ALPK3: variants seen among roughly 807,000 people sequenced by gnomAD.
ALPK3 encodes the protein alpha-protein kinase 3.
ALPK3 carries 102 observed loss-of-function variants against 140.0 expected under a neutral mutation model. That is an observed-to-expected ratio of 0.73 (90% CI 0.62 to 0.86). ALPK3 has a LOEUF of 0.86. Ranked by LOEUF, ALPK3 falls within the 40% of genes least tolerant of loss-of-function variation. The pLI is 0.00. For missense variants in ALPK3, 2,254 were observed against 2,208.2 expected (o/e 1.02, Z -0.42); for synonymous variants, 938 against 898.5 (o/e 1.04, Z -0.79).
chr15:84,860,429 T>A (rs1051539647), intron 9 of ALPK3, among the ~76,000 whole-genome samples: 1 of 152,146 alleles, frequency 6.6e-6, no homozygotes, highest in African/African-American at 2.4e-5. Context: ...ACAGGGAACC[T>A]GCTAGAAATG....
At chr15:84,851,152 T>C (rs1279932627) in intron 5 of ALPK3, among the ~76,000 whole-genome samples, 1 of 151,894 alleles carries the variant, frequency 6.6e-6, no homozygotes, top group Non-Finnish European at 1.5e-5. Context: ...TTTTTTGGGG[T>C]AGAGGAGGGA....
At chr15:84,853,608 C>T (rs139303169) in intron 5 of ALPK3, among the ~76,000 whole-genome samples, 2 of 151,828 alleles carry the variant, frequency 1.3e-5, no homozygotes, top group South Asian at 2.1e-4. Context: ...AGCGAGACTC[C>T]GTCTCAAAAG....
intron 11 of ALPK3, 54 bp downstream of exon 11, chr15:84,863,694 C>T (rs1596158175): frequency 1.9e-6 from 3 of 1,539,902 alleles, no homozygotes; most frequent in Non-Finnish European, 2.7e-6. Context: ...CCTTGGGCTT[C>T]TGCAAAGACA....
rs558935369 is a variant in ALPK3 at position 84,867,158 on chromosome 15, AC to A, written c.4724-156del. On this transcript the variant is annotated intron_variant, in intron 12 of 13. Transcript: ENST00000258888. ...TGCTTGAAGACACACCTGCACTGAC[AC>A]CCAGGAAGTTGATGCCAGCCTGGGC... 7.2e-5 allele frequency among the ~76,000 whole-genome samples: 11 copies of A among 151,750 alleles called. No individual in the cohort carries two copies. In the South Asian group the frequency reaches 2.3e-3, roughly 32 times the overall value.
intron 5 of ALPK3, among the ~76,000 whole-genome samples, chr15:84,847,205 C>A (rs1271436232): frequency 1.9e-5 from 2 of 106,876 alleles, no homozygotes; most frequent in Non-Finnish European, 3.7e-5. Flanking sequence ...GAGGGAGAAA[C>A]GGGGAGAGAG....
intron 4 of ALPK3, 39 bp from the exon 5 acceptor site, chr15:84,839,663 C>A: frequency 6.4e-7 from 1 of 1,552,228 alleles, no homozygotes; most frequent in South Asian, 1.2e-5. Flanking sequence ...TCTCACCTCC[C>A]AGGAGGGGAG....
intron 5 of ALPK3, among the ~76,000 whole-genome samples, chr15:84,848,934 G>C (rs2141562596): frequency 6.6e-6 from 1 of 152,236 alleles, no homozygotes; most frequent in African/African-American, 2.4e-5. Context: ...CTGAGGTCGG[G>C]AGTTCGAGAC....
chr15:84,825,061 T>C (rs1326166152), intron 2 of ALPK3, among the ~76,000 whole-genome samples: 1 of 152,248 alleles, frequency 6.6e-6, no homozygotes, highest in Non-Finnish European at 1.5e-5. Context: ...CTGTTACTTA[T>C]TTTCTAATGT....
chr15:84,859,821 C>A lies in ALPK3; in HGVS notation c.4011C>A (p.Ser1337=), dbSNP rs1963920538. ...GPAALAIVQA[S]PVDCGVYRCT... is the part of the protein sequence containing the mutation. ...CGGCCTTGGCCATCGTGCAGGCCTC[C>A]CCCGTAGACTGCGGTGTGTATCGGT... The change falls in exon 8 of 14, where the codon TCC becomes TCA. Residue 1337 remains serine (S), a synonymous_variant. Transcript: ENST00000258888. The A allele has an allele frequency of 6.2e-7, 1 of 1,613,934 alleles. No homozygotes were observed. The highest frequency in any genetic ancestry group is 8.5e-7 in the Non-Finnish European group (1 of 1,180,032).
intron 1 of ALPK3, among the ~76,000 whole-genome samples, chr15:84,822,285 G>A (rs1275774696): frequency 6.6e-6 from 1 of 152,186 alleles, no homozygotes; most frequent in African/African-American, 2.4e-5. Context: ...GAGCTTAGGA[G>A]TTTGGGAGAA....
intron 5 of ALPK3, among the ~76,000 whole-genome samples, chr15:84,848,325 G>T (rs555777171): frequency 3.3e-5 from 5 of 151,970 alleles, no homozygotes; most frequent in African/African-American, 1.2e-4. Context: ...ACATAAAGGG[G>T]CATAGGGTAA....
chr15:84,831,528 A>C lies in ALPK3; in HGVS notation c.304+3923A>C, dbSNP rs73437933. On this transcript the variant is annotated intron_variant, in intron 3 of 13. Coordinates refer to ENST00000258888, the MANE Select transcript of ALPK3 (RefSeq NM_020778.5). ...GGTTTTAATTTTTGTCATTTTCTGT[A>C]GCATCCTGCACTTTTCATGAATGTA... 9.4e-3 allele frequency among the ~76,000 whole-genome samples: 1,437 copies of C among 152,258 alleles called. 24 individuals carry two copies. The highest frequency in any genetic ancestry group is 0.033 in the African/African-American group (1,375 of 41,558).
Position 84,862,674 on chromosome 15 carries a change from A to G in ALPK3, c.4169A>G (p.Lys1390Arg). ...EIEMTPMVFA[K>R]GLADSGCWGD... Reference sequence around the variant, plus strand: ...GAGATGACCCCTATGGTGTTTGCTAAGGGTCTGGCTGACTCTGGCTGCTGG... The same window carrying G: ...GAGATGACCCCTATGGTGTTTGCTAGGGGTCTGGCTGACTCTGGCTGCTGG... The change falls in exon 10 of 14, where the codon AAG (lysine) becomes AGG (arginine). Residue 1390 changes from lysine to arginine, a missense_variant. Physicochemically the swap from Lys to Arg is conservative, Grantham distance 26. Transcript: ENST00000258888. 1 of 1,614,056 alleles carries G rather than the reference A, an allele frequency of 6.2e-7. No individual in the cohort carries two copies. The highest frequency in any genetic ancestry group is 1.3e-5 in the African/African-American group (1 of 75,014).
chr15:84,832,354 C>A (rs1963552943), intron 3 of ALPK3, among the ~76,000 whole-genome samples: 1 of 152,188 alleles, frequency 6.6e-6, no homozygotes, highest in South Asian at 2.1e-4. Context: ...TCCTATTACT[C>A]TCCTTGCCTG....
Position 84,817,515 on chromosome 15 carries a change from C to G in ALPK3, c.63C>G (p.Gly21=). 3 of 1,476,782 alleles carry G rather than the reference C, an allele frequency of 2.0e-6. No individual in the cohort carries two copies. Among genetic ancestry groups the G allele is most frequent in the Non-Finnish European group, 2.7e-6 (3 of 1,120,584 alleles). 91.5% of individuals were successfully genotyped at this position (1,476,782 alleles called of 1,614,324 possible). ...WGAGGRSGAG[G]DGEDDGPVWI... is the part of the protein sequence containing the mutation. ...CGGGTGGGCGGTCGGGGGCGGGGGG[C>G]GACGGTGAGGACGACGGCCCCGTGT... Residue 21 remains glycine (G), a synonymous_variant, in exon 1 of 14, where the codon GGC becomes GGG. Coordinates refer to ENST00000258888, the MANE Select transcript of ALPK3 (RefSeq NM_020778.5).
chr15:84,865,622 A>G (rs1262002413), intron 12 of ALPK3, among the ~76,000 whole-genome samples: 1 of 152,244 alleles, frequency 6.6e-6, no homozygotes, highest in Non-Finnish European at 1.5e-5. Context: ...TGTGATGAGT[A>G]GACCAGTTTC....
At chr15:84,865,678 G>A (rs937306771) in intron 12 of ALPK3, among the ~76,000 whole-genome samples, 3 of 152,260 alleles carry the variant, frequency 2.0e-5, no homozygotes, top group African/African-American at 7.2e-5. Flanking sequence ...TTTAAAGTCG[G>A]CTGGGCGCGG....
intron 5 of ALPK3, among the ~76,000 whole-genome samples, chr15:84,843,827 G>A (rs980842135): frequency 3.0e-4 from 45 of 151,556 alleles, no homozygotes; most frequent in African/African-American, 1.1e-3. Context: ...GGGCACAGTG[G>A]CTCACGCTTG....
chr15:84,858,454 G>T lies in ALPK3; in HGVS notation c.3716G>T (p.Gly1239Val). Residue 1239 changes from glycine (G) to valine (V), a missense_variant, in exon 6 of 14, where the codon GGC (glycine) becomes GTC (valine). By Grantham distance (109) the Gly-to-Val change is moderately radical (BLOSUM62 -3). Transcript: ENST00000258888. The stretch of plus-strand genomic sequence containing the variant: ...GAGGAGCTGGCGGCAGGAGACCTGG[G>T]CCCCAGCCCCAAGGCCGGCGGTCTG... ...AEEELAAGDLGPSPKAGGLDT... is the reference protein window; with the variant it reads ...AEEELAAGDLVPSPKAGGLDT... The T allele has an allele frequency of 1.9e-6, 3 of 1,567,832 alleles. No homozygotes were observed. Among genetic ancestry groups the T allele is most frequent in the South Asian group, 2.3e-5 (2 of 85,834 alleles).
Sources: allele counts gnomAD v4.1 joint callset (sites outside exome capture counted in the v4.1 genomes callset), GRCh38; gene constraint gnomAD v4.1.1; transcripts MANE v1.5; gene names NCBI Gene and HGNC (gene_info 2026-07-23, HGNC 2026-07-21).